MICU3: variants seen among roughly 807,000 people sequenced by gnomAD.
MICU3 encodes the protein calcium uptake protein 3, mitochondrial.
MICU3 carries 62 observed loss-of-function variants against 66.5 expected under a neutral mutation model. The ratio of observed to expected loss-of-function variants is 0.93; its 90% CI spans 0.76 to 1.15. The LOEUF is 1.15. Among genes scored for constraint, MICU3 ranks in the 50% most tolerant of loss-of-function variants. The probability of loss-of-function intolerance (pLI) is 0.00; values close to 1 mark genes in which losing one functional copy is unlikely to be tolerated. For missense variants in MICU3, 779 were observed against 664.4 expected, an observed-to-expected ratio of 1.17 and a Z score of -1.90; for synonymous variants, 308 against 240.7, an observed-to-expected ratio of 1.28 and a Z score of -2.59.
intron 1 of MICU3, among the ~76,000 whole-genome samples, chr8:17,037,124 C>G (rs973814860): frequency 3.9e-5 from 6 of 152,198 alleles, no homozygotes; most frequent in Admixed American, 6.5e-5. Flanking sequence ...CGGGGCCTGC[C>G]AAGCCCACGC....
chr8:17,087,753 C>A (rs560360179), intron 7 of MICU3, among the ~76,000 whole-genome samples: 2 of 152,090 alleles, frequency 1.3e-5, no homozygotes, highest in South Asian at 2.1e-4. Flanking sequence ...AGTATCTTGT[C>A]CAAAGTTACA....
intron 9 of MICU3, among the ~76,000 whole-genome samples, chr8:17,100,868 G>C (rs2150801630): frequency 6.6e-6 from 1 of 151,834 alleles, no homozygotes; most frequent in African/African-American, 2.4e-5. Flanking sequence ...GTTGAATACA[G>C]TCTGTCAGTG....
chr8:17,041,541 G>C (rs1331508543), intron 1 of MICU3, among the ~76,000 whole-genome samples: 1 of 151,962 alleles, frequency 6.6e-6, no homozygotes, highest in Admixed American at 6.6e-5. Flanking sequence ...GCCATATCAA[G>C]AATTTGTCTC....
chr8:17,117,817 C>A (rs1405496640), intron 13 of MICU3, among the ~76,000 whole-genome samples: 2 of 152,086 alleles, frequency 1.3e-5, no homozygotes, highest in Non-Finnish European at 2.9e-5. Flanking sequence ...GCCATGTTGG[C>A]CAAGATGGTC....
chr8:17,036,794 G>C (rs1202489875), intron 1 of MICU3, among the ~76,000 whole-genome samples: 1 of 152,226 alleles, frequency 6.6e-6, no homozygotes, highest in African/African-American at 2.4e-5. Context: ...GGAGCTACCT[G>C]CCAGTCCCGC....
chr8:17,113,991 T>C, intron 11 of MICU3, 102 bp from the exon 12 acceptor site: 1 of 654,638 alleles, frequency 1.5e-6, no homozygotes, highest in Non-Finnish European at 2.6e-6. Context: ...ACTTACAAGA[T>C]ACATTGCAAA....
intron 2 of MICU3, among the ~76,000 whole-genome samples, chr8:17,064,879 C>G (rs951605798): frequency 2.6e-5 from 4 of 152,038 alleles, no homozygotes; most frequent in South Asian, 4.1e-4. Context: ...TATAGGTACT[C>G]TCCTTTGATA....
intron 3 of MICU3, among the ~76,000 whole-genome samples, chr8:17,076,049 C>G (rs1360828873): frequency 1.3e-5 from 2 of 152,006 alleles, no homozygotes; most frequent in Non-Finnish European, 1.5e-5. Flanking sequence ...TTTTTTGAGA[C>G]AGGTCTCACT....
chr8:17,066,827 G>T (rs1004571239), intron 2 of MICU3, among the ~76,000 whole-genome samples: 1 of 151,942 alleles, frequency 6.6e-6, no homozygotes, highest in East Asian at 1.9e-4. Flanking sequence ...GATTACAGGC[G>T]TGAGCTACTG....
chr8:17,113,479 T>G (rs1328341363), intron 11 of MICU3, among the ~76,000 whole-genome samples: 1 of 152,230 alleles, frequency 6.6e-6, no homozygotes, highest in Non-Finnish European at 1.5e-5. Context: ...CACCAGTCCT[T>G]TACATTATCC....
At chr8:17,116,276 C>G (rs527717279) in intron 12 of MICU3, among the ~76,000 whole-genome samples, 167 bp from the exon 13 acceptor site, 1 of 152,154 alleles carries the variant, frequency 6.6e-6, no homozygotes, top group Non-Finnish European at 1.5e-5. Context: ...TCATTTAAAC[C>G]ACAAAAATGT....
At chr8:17,135,127 G>A in the MICU3 span, among the ~76,000 whole-genome samples, 17 of 150,686 alleles carry the variant, frequency 1.1e-4, no homozygotes, top group Admixed American at 2.0e-4. Context: ...TTGGCCAGGC[G>A]CAGTGGCTCA....
At chr8:17,057,800 C>T (rs538461275) in intron 1 of MICU3, among the ~76,000 whole-genome samples, 1 of 152,094 alleles carries the variant, frequency 6.6e-6, no homozygotes, top group African/African-American at 2.4e-5. Flanking sequence ...GGTTAGCTTT[C>T]CCTGTTGACC....
At chr8:17,077,054 AT>A (rs1327950345) in intron 3 of MICU3, among the ~76,000 whole-genome samples, 3 of 152,214 alleles carry the variant, frequency 2.0e-5, no homozygotes, top group African/African-American at 7.2e-5. Context: ...TTCAAAATTG[AT>A]TTAGCATATG....
rs143458799 is a variant in MICU3 at position 17,097,163 on chromosome 8, C to T, written c.889-1295C>T. Among the ~76,000 whole-genome samples, 462 of 151,780 alleles carry T rather than the reference C, an allele frequency of 3.0e-3. 4 individuals carry two copies. In the Middle Eastern group the frequency reaches 0.031, roughly 10 times the overall value. On this transcript the variant is annotated intron_variant, in intron 8 of 14. Coordinates refer to ENST00000318063, the MANE Select transcript of MICU3 (RefSeq NM_181723.3). ...AACCTTCTGAGTTGAACTTTTAAAA[C>T]GCATCCACATTCAAAATATGTGAAT... is the stretch of plus-strand genomic sequence containing the variant.
intron 1 of MICU3, among the ~76,000 whole-genome samples, chr8:17,051,002 G>C (rs1815982149): frequency 6.6e-6 from 1 of 152,104 alleles, no homozygotes; most frequent in Non-Finnish European, 1.5e-5. Flanking sequence ...CGAGTAGTTT[G>C]AAAGTCATGC....
At chr8:17,114,274 T>A (rs1324833912) in intron 12 of MICU3, 73 bp downstream of exon 12, 3 of 918,602 alleles carry the variant, frequency 3.3e-6, no homozygotes, top group Non-Finnish European at 5.1e-6. Context: ...GGCAACCAAT[T>A]AATTAAATAT....
At chr8:17,065,454 G>T (rs1201015816) in intron 2 of MICU3, among the ~76,000 whole-genome samples, 1 of 152,182 alleles carries the variant, frequency 6.6e-6, no homozygotes, top group Non-Finnish European at 1.5e-5. Context: ...TAGGGAAGCT[G>T]TATAGGATGA....
chr8:17,124,179 T>C (rs75581278), downstream of MICU3, among the ~76,000 whole-genome samples: 470 of 152,286 alleles, frequency 3.1e-3, 1 homozygote, highest in African/African-American at 0.011. Flanking sequence ...CACACAGACA[T>C]GTTTCCCCTC....
Sources: gnomAD v4.1 joint callset for allele counts (sites outside exome capture counted in the v4.1 genomes callset) on GRCh38, gnomAD v4.1.1 for gene constraint, MANE v1.5 for transcripts, NCBI Gene and HGNC (gene_info 2026-07-23, HGNC 2026-07-21) for gene names.